ELAVL2: variants seen among roughly 807,000 people sequenced by gnomAD.
ELAVL2 encodes the protein ELAV-like protein 2.
In ELAVL2, 4 loss-of-function variants were observed where a neutral mutation model predicts 34.6. The ratio of observed to expected loss-of-function variants is 0.12; its 90% CI spans 0.06 to 0.26. ELAVL2 has a LOEUF of 0.26. ELAVL2 is among the 10% of genes least tolerant of loss of function. The probability of loss-of-function intolerance (pLI) is 1.00; values close to 1 mark genes in which losing one functional copy is unlikely to be tolerated. For synonymous variants in ELAVL2, 193 were observed against 154.8 expected (o/e 1.25, Z -1.83); for missense variants, 432 against 442.8 (o/e 0.98, Z 0.22).
intron 1 of ELAVL2, among the ~76,000 whole-genome samples, chr9:23,772,810 T>C (rs2057537106): frequency 6.6e-6 from 1 of 152,162 alleles, no homozygotes; most frequent in African/African-American, 2.4e-5. Flanking sequence ...CGTCCTGAGA[T>C]TCCCAAGACA....
intron 3 of ELAVL2, among the ~76,000 whole-genome samples, chr9:23,713,989 A>G (rs2041685324): frequency 6.6e-6 from 1 of 152,186 alleles, no homozygotes; most frequent in Non-Finnish European, 1.5e-5. Flanking sequence ...TACTTACCTC[A>G]TGGAAACCTT....
chr9:23,826,421 C>G (rs962629900), upstream of ELAVL2: 2 of 152,530 alleles, frequency 1.3e-5, no homozygotes, highest in African/African-American at 2.4e-5. Flanking sequence ...CTGATTGGTC[C>G]ACACGCTTCC....
At chr9:23,805,505 G>A (rs556086694) in intron 1 of ELAVL2, among the ~76,000 whole-genome samples, 2 of 152,142 alleles carry the variant, frequency 1.3e-5, no homozygotes, top group South Asian at 2.1e-4. Context: ...GCTTTAGAAC[G>A]AACAGTTCTA....
At chr9:23,825,634 C>A (rs2065253850) in intron 1 of ELAVL2, among the ~76,000 whole-genome samples, 172 bp downstream of exon 1, 1 of 152,210 alleles carries the variant, frequency 6.6e-6, no homozygotes, top group African/African-American at 2.4e-5. Context: ...AAGCATGCGT[C>A]CACCGTCTTT....
intron 1 of ELAVL2, among the ~76,000 whole-genome samples, chr9:23,814,236 C>T (rs2063406035): frequency 6.6e-6 from 1 of 152,110 alleles, no homozygotes; most frequent in African/African-American, 2.4e-5. Context: ...ATCAGTGATT[C>T]ACTTGGTCAC....
At chr9:23,709,553 T>G (rs1247154164) in intron 3 of ELAVL2, among the ~76,000 whole-genome samples, 1 of 152,144 alleles carries the variant, frequency 6.6e-6, no homozygotes, top group South Asian at 2.1e-4. Context: ...ATCTTTTTGG[T>G]TCTACAAGAC....
upstream of ELAVL2, among the ~76,000 whole-genome samples, chr9:23,830,970 G>T (rs1305351967): frequency 2.6e-5 from 4 of 152,068 alleles, no homozygotes; most frequent in Admixed American, 6.6e-5. Context: ...TTCTTTCAGG[G>T]ATACTAACAG....
intron 2 of ELAVL2, among the ~76,000 whole-genome samples, chr9:23,759,748 ATAG>A (rs2054442658): frequency 1.0e-5 from 1 of 99,938 alleles, no homozygotes; most frequent in African/African-American, 4.7e-5. Flanking sequence ...TACATCATAT[ATAG>A]TATTATATAT....
intron 1 of ELAVL2, among the ~76,000 whole-genome samples, chr9:23,775,353 G>A (rs1436467041): frequency 6.6e-6 from 1 of 152,180 alleles, no homozygotes; most frequent in Non-Finnish European, 1.5e-5. Context: ...TTGGGTGGCA[G>A]AGCAAGACCA....
intron 3 of ELAVL2, among the ~76,000 whole-genome samples, chr9:23,719,999 G>C (rs550280441): frequency 1.3e-5 from 2 of 151,490 alleles, no homozygotes; most frequent in Non-Finnish European, 1.5e-5. Context: ...CTAATTTTTT[G>C]TATTTTAAGT....
the ELAVL2 span, among the ~76,000 whole-genome samples, chr9:23,840,820 A>G: frequency 6.6e-6 from 1 of 152,248 alleles, no homozygotes; most frequent in African/African-American, 2.4e-5. Context: ...CAGTTTTTTC[A>G]GAGTTATATT....
intron 2 of ELAVL2, among the ~76,000 whole-genome samples, chr9:23,736,144 T>C (rs911949811): frequency 3.3e-5 from 5 of 152,222 alleles, no homozygotes; most frequent in African/African-American, 1.2e-4. Context: ...TTCAGAAAAA[T>C]CAAATTACCC....
intron 1 of ELAVL2, among the ~76,000 whole-genome samples, chr9:23,780,279 C>G (rs1487540260): frequency 6.6e-6 from 1 of 152,022 alleles, no homozygotes; most frequent in Non-Finnish European, 1.5e-5. Context: ...AGAAAGCAGT[C>G]TAACAACAGA....
At chr9:23,752,271 C>A (rs556018878) in intron 2 of ELAVL2, among the ~76,000 whole-genome samples, 135 of 152,152 alleles carry the variant, frequency 8.9e-4, no homozygotes, top group African/African-American at 3.2e-3. Context: ...AGTGGCTAGG[C>A]TGGAATTGGA....
chr9:23,842,415 T>G, the ELAVL2 span, among the ~76,000 whole-genome samples: 1 of 152,078 alleles, frequency 6.6e-6, no homozygotes, highest in Non-Finnish European at 1.5e-5. Flanking sequence ...ATGGTAGAGA[T>G]AGTCTCCCTG....
chr9:23,779,280 C>T, intron 1 of ELAVL2: 1 of 985,406 alleles, frequency 1.0e-6, no homozygotes, highest in Non-Finnish European at 1.2e-6. Context: ...AGTAGAATCC[C>T]ATGAAAACCT....
At chr9:23,694,454 G>C (rs969552215) in intron 5 of ELAVL2, among the ~76,000 whole-genome samples, 1 of 152,120 alleles carries the variant, frequency 6.6e-6, no homozygotes, top group East Asian at 1.9e-4. Context: ...TGAGGAGGAG[G>C]CATAACTTAA....
intron 1 of ELAVL2, chr9:23,765,095 GC>G: frequency 6.3e-7 from 1 of 1,597,884 alleles, no homozygotes; most frequent in Non-Finnish European, 8.5e-7. Flanking sequence ...GTTTGGAGTT[GC>G]CGTCTGCAAT....
chr9:23,709,256 G>A (rs572069213), intron 3 of ELAVL2, among the ~76,000 whole-genome samples: 4 of 151,878 alleles, frequency 2.6e-5, no homozygotes, highest in African/African-American at 7.2e-5. Flanking sequence ...CTCCCTTCCT[G>A]GAAAACATTT....
Sources: allele counts gnomAD v4.1 joint callset (sites outside exome capture counted in the v4.1 genomes callset), GRCh38; gene constraint gnomAD v4.1.1; transcripts MANE v1.5; gene names NCBI Gene and HGNC (gene_info 2026-07-23, HGNC 2026-07-21).